The following SV2C variants were observed in gnomAD, a reference collection of about 807,000 sequenced individuals.
SV2C encodes the protein solute carrier family 22 member B3.
In SV2C, 49 loss-of-function variants were observed where a neutral mutation model predicts 79.7. That is an observed-to-expected ratio of 0.61 (90% CI 0.49 to 0.78). SV2C has a LOEUF of 0.78. SV2C is among the 30% of genes least tolerant of loss of function. The pLI is 0.00. For missense variants in SV2C, 833 were observed against 912.9 expected (o/e 0.91, Z 1.13); for synonymous variants, 334 against 333.2 (o/e 1.00, Z -0.03).
chr5:76,173,617 G>A (rs763179090), intron 2 of SV2C: 22 of 1,605,264 alleles, frequency 1.4e-5, no homozygotes, highest in Middle Eastern at 1.7e-4. Flanking sequence ...GAGCTACAAT[G>A]CATTTAGTAT....
chr5:75,887,681 G>T, the SV2C span, among the ~76,000 whole-genome samples: 1 of 152,042 alleles, frequency 6.6e-6, no homozygotes, highest in Non-Finnish European at 1.5e-5. Flanking sequence ...TCTGGACAAT[G>T]TATATATGTA....
At chr5:76,098,067 A>T (rs1348197054) in intron 1 of SV2C, among the ~76,000 whole-genome samples, 1 of 152,168 alleles carries the variant, frequency 6.6e-6, no homozygotes, top group African/African-American at 2.4e-5. Context: ...GAACAGGGGA[A>T]GCTTAGGGAG....
chr5:75,861,291 A>T, the SV2C span, among the ~76,000 whole-genome samples: 3 of 152,324 alleles, frequency 2.0e-5, no homozygotes, highest in Admixed American at 1.3e-4. Flanking sequence ...CCCACCAATC[A>T]GTATAGCTAT....
the SV2C span, among the ~76,000 whole-genome samples, chr5:76,010,155 C>T: frequency 6.6e-6 from 1 of 151,980 alleles, no homozygotes; most frequent in African/African-American, 2.4e-5. Flanking sequence ...ATTAGTATGT[C>T]ATCTTTTCAG....
the SV2C span, among the ~76,000 whole-genome samples, chr5:75,896,909 G>A: frequency 5.5e-5 from 8 of 146,232 alleles, no homozygotes; most frequent in Non-Finnish European, 1.2e-4. Context: ...ACTTTTTGAT[G>A]GGGTTGTTTG....
chr5:75,898,776 T>C, the SV2C span, among the ~76,000 whole-genome samples: 1 of 152,202 alleles, frequency 6.6e-6, no homozygotes, highest in African/African-American at 2.4e-5. Context: ...GAGATTCAAC[T>C]TCCTCCTGGT....
the SV2C span, among the ~76,000 whole-genome samples, chr5:76,034,977 GA>G: frequency 6.6e-6 from 1 of 152,162 alleles, no homozygotes; most frequent in Non-Finnish European, 1.5e-5. Context: ...TTAGTCTTGG[GA>G]GAGTGTATGT....
intron 4 of SV2C, among the ~76,000 whole-genome samples, chr5:76,262,074 T>A (rs1746487484): frequency 6.6e-6 from 1 of 152,332 alleles, no homozygotes; most frequent in South Asian, 2.1e-4. Context: ...CGTCTGGTCC[T>A]GGGCTTTTTT....
the SV2C span, among the ~76,000 whole-genome samples, chr5:75,969,571 A>G: frequency 1.3e-5 from 2 of 152,236 alleles, no homozygotes; most frequent in African/African-American, 2.4e-5. Flanking sequence ...TCAAAGAGAC[A>G]AAGAAGGCCA....
intron 2 of SV2C, among the ~76,000 whole-genome samples, chr5:76,168,884 A>G (rs561004523): frequency 1.3e-5 from 2 of 152,156 alleles, no homozygotes; most frequent in Non-Finnish European, 2.9e-5. Flanking sequence ...TGACCTGTAG[A>G]CACTATTGCT....
chr5:76,309,667 GTCAACACTCAACATGT>G (rs1748348756), intron 12 of SV2C, among the ~76,000 whole-genome samples: 1 of 146,124 alleles, frequency 6.8e-6, no homozygotes, highest in South Asian at 2.2e-4. Context: ...AAGGGGAAAA[GTCAACACTCAACATGT>G]TCACAGATAT....
At chr5:75,984,745 A>G in the SV2C span, among the ~76,000 whole-genome samples, 4 of 152,186 alleles carry the variant, frequency 2.6e-5, no homozygotes, top group South Asian at 8.3e-4. Flanking sequence ...GCAAACCATC[A>G]GGAAGGGCAG....
the SV2C span, among the ~76,000 whole-genome samples, chr5:75,849,330 A>G: frequency 1.9e-3 from 295 of 152,348 alleles, 2 homozygotes; most frequent in African/African-American, 6.5e-3. Context: ...TTTTGATCAG[A>G]GTGAGATAAA....
chr5:76,135,223 C>T (rs990239856), intron 2 of SV2C, among the ~76,000 whole-genome samples: 2 of 152,120 alleles, frequency 1.3e-5, no homozygotes, highest in African/African-American at 4.8e-5. Flanking sequence ...TAGATTTTAG[C>T]AGGATGGAGA....
At chr5:76,261,475 C>A (rs1746465971) in intron 4 of SV2C, among the ~76,000 whole-genome samples, 1 of 152,138 alleles carries the variant, frequency 6.6e-6, no homozygotes, top group Non-Finnish European at 1.5e-5. Flanking sequence ...ACTTCCAATT[C>A]TATGTTGAAT....
intron 1 of SV2C, among the ~76,000 whole-genome samples, chr5:76,117,115 T>A (rs1272459898): frequency 2.0e-5 from 3 of 152,204 alleles, no homozygotes; most frequent in Non-Finnish European, 4.4e-5. Context: ...ATTCAGTGAG[T>A]TGCTCTCCAT....
chr5:75,985,469 C>G, the SV2C span, among the ~76,000 whole-genome samples: 13 of 152,090 alleles, frequency 8.5e-5, no homozygotes, highest in South Asian at 2.7e-3. Flanking sequence ...ACACCCAAAG[C>G]CTGTGCTCTC....
At chr5:76,014,407 C>T in the SV2C span, among the ~76,000 whole-genome samples, 3 of 152,096 alleles carry the variant, frequency 2.0e-5, no homozygotes. Flanking sequence ...AGTACCACTC[C>T]CATTAAGAAC....
chr5:76,011,617 A>G, the SV2C span, among the ~76,000 whole-genome samples: 1 of 151,816 alleles, frequency 6.6e-6, no homozygotes. Context: ...TTTTTTATTT[A>G]TGTTTTTTTA....
Sources: gnomAD v4.1 joint callset for allele counts (sites outside exome capture counted in the v4.1 genomes callset) on GRCh38, gnomAD v4.1.1 for gene constraint, MANE v1.5 for transcripts, NCBI Gene and HGNC (gene_info 2026-07-23, HGNC 2026-07-21) for gene names.